The following PRKCA variants were observed in gnomAD, a reference collection of about 807,000 sequenced individuals.
PRKCA encodes the protein protein kinase C alpha type.
Under a neutral mutation model 87.0 loss-of-function variants are expected in PRKCA, and 27 were observed. The observed-to-expected ratio is 0.31, with a 90% CI of 0.23 to 0.43. PRKCA has a LOEUF of 0.43. Ranked by LOEUF, PRKCA falls within the 20% of genes least tolerant of loss-of-function variation. PRKCA has a pLI of 1.00. For synonymous variants in PRKCA, 329 were observed against 311.1 expected (o/e 1.06, Z -0.61); for missense variants, 518 against 852.3 (o/e 0.61, Z 4.88).
At chr17:66,606,091 TA>T (rs1300238247) in intron 3 of PRKCA, among the ~76,000 whole-genome samples, 1 of 152,138 alleles carries the variant, frequency 6.6e-6, no homozygotes, top group African/African-American at 2.4e-5. Context: ...AAGCTGTATA[TA>T]AAAAATAATT....
chr17:66,401,419 T>C (rs375255094), intron 2 of PRKCA, among the ~76,000 whole-genome samples: 14 of 152,282 alleles, frequency 9.2e-5, no homozygotes, highest in African/African-American at 3.1e-4. Context: ...TGATGCCAAG[T>C]GGACATGACA....
chr17:66,428,496 A>G (rs958079327), intron 2 of PRKCA, among the ~76,000 whole-genome samples: 1 of 151,010 alleles, frequency 6.6e-6, no homozygotes, highest in African/African-American at 2.4e-5. Context: ...AAGCTGAAAA[A>G]TTTTTCTTTC....
chr17:66,558,358 CAAG>C (rs938590411), intron 3 of PRKCA, among the ~76,000 whole-genome samples: 7 of 151,990 alleles, frequency 4.6e-5, no homozygotes, highest in African/African-American at 1.7e-4. Flanking sequence ...AGGCGAAAAA[CAAG>C]GAGTACTGGT....
At chr17:66,524,153 G>A (rs1459623657) in intron 3 of PRKCA, among the ~76,000 whole-genome samples, 1 of 152,098 alleles carries the variant, frequency 6.6e-6, no homozygotes, top group East Asian at 1.9e-4. Flanking sequence ...GGGTCTTCTG[G>A]CTCCAACATT....
At chr17:66,730,334 A>G (rs1057168039) in intron 8 of PRKCA, among the ~76,000 whole-genome samples, 1 of 152,198 alleles carries the variant, frequency 6.6e-6, no homozygotes, top group African/African-American at 2.4e-5. Context: ...TCAAGAGCAA[A>G]CCTACAGAGT....
intron 3 of PRKCA, among the ~76,000 whole-genome samples, chr17:66,535,291 G>A (rs1331110441): frequency 6.6e-6 from 1 of 152,132 alleles, no homozygotes; most frequent in Non-Finnish European, 1.5e-5. Context: ...ACTCACCAAG[G>A]ATGAAGCTTC....
chr17:66,742,658 A>C lies in PRKCA; in HGVS notation c.1422A>C (p.Glu474Asp). 1 of 1,614,190 alleles carries C rather than the reference A, an allele frequency of 6.2e-7. No homozygotes were observed. The stretch of plus-strand genomic sequence containing the variant: ...TAGATAACGTCATGTTGGATTCAGA[A>C]GGACATATCAAAATTGCTGACTTTG... Reference protein sequence around the residue: ...LKLDNVMLDSEGHIKIADFGM... With the variant: ...LKLDNVMLDSDGHIKIADFGM... Residue 474 changes from glutamate to aspartate, a missense_variant, in exon 13 of 17, where the codon GAA becomes GAC. Physicochemically the swap from Glu to Asp is conservative, Grantham distance 45 (BLOSUM62 2). Coordinates refer to ENST00000413366, the MANE Select transcript of PRKCA (RefSeq NM_002737.3).
At chr17:66,432,286 A>G (rs946209243) in intron 2 of PRKCA, among the ~76,000 whole-genome samples, 2 of 152,104 alleles carry the variant, frequency 1.3e-5, no homozygotes, top group African/African-American at 4.8e-5. Context: ...AGCTGTTGAC[A>G]AAAGCATGGG....
At chr17:66,622,531 T>C (rs1355241150) in intron 3 of PRKCA, among the ~76,000 whole-genome samples, 2 of 152,210 alleles carry the variant, frequency 1.3e-5, no homozygotes, top group East Asian at 3.8e-4. Flanking sequence ...GACCATGGTT[T>C]TCATTTTAAT....
chr17:66,774,166 A>G (rs61762761), intron 14 of PRKCA, 99 bp downstream of exon 14: 123,977 of 1,595,146 alleles, frequency 0.078, 7,761 homozygotes, highest in African/African-American at 0.31. Flanking sequence ...GTTTTAGTGC[A>G]GCTGGTGTTG....
chr17:66,504,326 C>T (rs1335308602), intron 3 of PRKCA, among the ~76,000 whole-genome samples: 4 of 151,890 alleles, frequency 2.6e-5, no homozygotes, highest in South Asian at 2.1e-4. Flanking sequence ...CAGTGGCCCA[C>T]GCCTGTAATC....
intron 14 of PRKCA, among the ~76,000 whole-genome samples, chr17:66,786,042 A>T (rs1048913890): frequency 1.3e-5 from 2 of 152,162 alleles, no homozygotes; most frequent in East Asian, 1.9e-4. Context: ...GTTAGCCAGG[A>T]TGGTCTCGAT....
intron 8 of PRKCA, among the ~76,000 whole-genome samples, chr17:66,731,938 C>T (rs1378313325): frequency 2.0e-5 from 3 of 151,294 alleles, no homozygotes; most frequent in African/African-American, 7.3e-5. Context: ...TACAGGCACG[C>T]ACCACCATGC....
Position 66,688,456 on chromosome 17 carries a change from T to G in PRKCA, c.821+20T>G. On this transcript the variant is annotated intron_variant, in intron 7 of 16. Coordinates refer to ENST00000413366, the MANE Select transcript of PRKCA (RefSeq NM_002737.3). The stretch of plus-strand genomic sequence containing the variant: ...TGGATGGTATGGAAGCCGCTTAGGT[T>G]GAGTATGTCTCAAAGCATCAGACCA... 6.2e-7 allele frequency: 1 copy of G among 1,613,876 alleles called. No individual in the cohort carries two copies. Among genetic ancestry groups the G allele is most frequent in the South Asian group, 1.1e-5 (1 of 91,038 alleles).
At chr17:66,728,338 C>G (rs1034853236) in intron 8 of PRKCA, among the ~76,000 whole-genome samples, 1 of 152,198 alleles carries the variant, frequency 6.6e-6, no homozygotes, top group Admixed American at 6.5e-5. Flanking sequence ...CCCCACACAC[C>G]GGTCTGTCTC....
chr17:66,359,699 C>G (rs1035898910), intron 2 of PRKCA, among the ~76,000 whole-genome samples: 1 of 152,122 alleles, frequency 6.6e-6, no homozygotes, highest in East Asian at 1.9e-4. Context: ...AATTGCGTCT[C>G]AAATATTAAT....
At chr17:66,638,125 T>C (rs1004405409) in intron 3 of PRKCA, 1 of 122,034 alleles carries the variant, frequency 8.2e-6, no homozygotes, top group African/African-American at 3.4e-5. Flanking sequence ...TATATATATA[T>C]GTGTGTGTGT....
intron 2 of PRKCA, among the ~76,000 whole-genome samples, chr17:66,447,140 C>G (rs886459133): frequency 3.3e-5 from 5 of 152,182 alleles, no homozygotes; most frequent in Non-Finnish European, 5.9e-5. Flanking sequence ...AGAGGACCAG[C>G]TTTCTGAGAA....
intron 9 of PRKCA, among the ~76,000 whole-genome samples, chr17:66,734,936 C>T (rs1253950932): frequency 6.6e-6 from 1 of 152,152 alleles, no homozygotes; most frequent in Admixed American, 6.6e-5. Context: ...AGAAGGGATG[C>T]TCAGAAATGC....
Sources: allele counts gnomAD v4.1 joint callset (sites outside exome capture counted in the v4.1 genomes callset), GRCh38; gene constraint gnomAD v4.1.1; transcripts MANE v1.5; gene names NCBI Gene and HGNC (gene_info 2026-07-23, HGNC 2026-07-21).